The following PRKCE variants were observed in gnomAD, a reference collection of about 807,000 sequenced individuals.
PRKCE encodes the protein protein kinase C epsilon, also known as protein kinase C epsilon type.
In PRKCE, 16 loss-of-function variants were observed where a neutral mutation model predicts 85.4. That is an observed-to-expected ratio of 0.19 (90% CI 0.13 to 0.28). PRKCE has a LOEUF of 0.28. PRKCE is among the 10% of genes least tolerant of loss of function. PRKCE has a pLI of 1.00. For missense variants in PRKCE, 573 were observed against 975.2 expected (o/e 0.59, Z 5.49); for synonymous variants, 388 against 371.5 (o/e 1.04, Z -0.51).
intron 2 of PRKCE, among the ~76,000 whole-genome samples, chr2:45,943,136 A>G (rs963399333): frequency 6.6e-6 from 1 of 152,234 alleles, no homozygotes; most frequent in South Asian, 2.1e-4. Context: ...GTGAAGATTC[A>G]GGAGGCTTTA....
At chr2:46,062,773 A>T (rs1667271825) in intron 10 of PRKCE, among the ~76,000 whole-genome samples, 1 of 138,642 alleles carries the variant, frequency 7.2e-6, no homozygotes, top group Non-Finnish European at 1.5e-5. Context: ...TCCGGGGTTC[A>T]AGCGATTCTC....
intron 2 of PRKCE, among the ~76,000 whole-genome samples, chr2:45,916,554 C>G (rs1194700041): frequency 6.6e-6 from 1 of 152,134 alleles, no homozygotes; most frequent in East Asian, 1.9e-4. Context: ...TGAAATAAGC[C>G]ATTTCTTATT....
intron 2 of PRKCE, among the ~76,000 whole-genome samples, chr2:45,955,497 A>G (rs1011624764): frequency 8.5e-5 from 13 of 152,204 alleles, no homozygotes; most frequent in African/African-American, 3.1e-4. Context: ...TCTTCTGCTC[A>G]GCTGAATTCC....
intron 1 of PRKCE, among the ~76,000 whole-genome samples, chr2:45,812,295 G>A (rs115693910): frequency 0.015 from 2,303 of 152,342 alleles, 54 homozygotes; most frequent in East Asian, 0.11. Flanking sequence ...CATGGAGTGA[G>A]AAGCCACAGA....
intron 1 of PRKCE, among the ~76,000 whole-genome samples, chr2:45,674,338 G>A (rs1676319523): frequency 6.6e-6 from 1 of 152,182 alleles, no homozygotes; most frequent in Admixed American, 6.5e-5. Context: ...TGTGGAGGAG[G>A]CCTTCCTTTA....
At chr2:46,104,536 A>T (rs554682716) in intron 11 of PRKCE, among the ~76,000 whole-genome samples, 2 of 152,156 alleles carry the variant, frequency 1.3e-5, no homozygotes, top group East Asian at 1.9e-4. Context: ...TAGCATTGGC[A>T]GTCCTTTCCA....
chr2:45,888,144 C>A (rs1347054460), intron 2 of PRKCE, among the ~76,000 whole-genome samples: 1 of 152,168 alleles, frequency 6.6e-6, no homozygotes, highest in East Asian at 1.9e-4. Context: ...TGTGGATGAT[C>A]CCAGATATAA....
chr2:45,707,389 T>A (rs972514250), intron 1 of PRKCE, among the ~76,000 whole-genome samples: 1 of 152,242 alleles, frequency 6.6e-6, no homozygotes, highest in Non-Finnish European at 1.5e-5. Flanking sequence ...ACACCTTATA[T>A]TCCCATAGAA....
intron 1 of PRKCE, chr2:45,840,625 G>A (rs936299496): frequency 1.3e-5 from 2 of 152,190 alleles, no homozygotes; most frequent in African/African-American, 4.8e-5. Context: ...CTGTGCCGAC[G>A]GAGCACCTCA....
intron 10 of PRKCE, among the ~76,000 whole-genome samples, chr2:46,023,089 CAA>C (rs397984467): frequency 0.029 from 2,050 of 71,480 alleles, 68 homozygotes; most frequent in African/African-American, 0.12. Context: ...GACTCCGTCT[CAA>C]AAAAAAAAAA....
chr2:46,080,295 A>G (rs1480118570), intron 10 of PRKCE, among the ~76,000 whole-genome samples: 1 of 151,958 alleles, frequency 6.6e-6, no homozygotes, highest in Non-Finnish European at 1.5e-5. Flanking sequence ...GTGAGGGGAA[A>G]TGAAAATTTT....
chr2:45,717,200 G>A (rs1032620958), intron 1 of PRKCE, among the ~76,000 whole-genome samples: 4 of 152,222 alleles, frequency 2.6e-5, no homozygotes, highest in Non-Finnish European at 2.9e-5. Flanking sequence ...TAGAATTACA[G>A]TGAAGGAGGA....
intron 2 of PRKCE, among the ~76,000 whole-genome samples, chr2:45,859,040 CTAAATAAATAAATAAATAAATAAA>C (rs3045334): frequency 8.9e-5 from 12 of 135,442 alleles, no homozygotes; most frequent in African/African-American, 8.3e-5. Context: ...GACTCCATCT[CTAAATAAATAAATAAATAAATAAA>C]TAAATAAATA....
At chr2:46,039,955 C>T (rs1306011222) in intron 10 of PRKCE, among the ~76,000 whole-genome samples, 1 of 152,172 alleles carries the variant, frequency 6.6e-6, no homozygotes, top group African/African-American at 2.4e-5. Context: ...TGCTTGTGGG[C>T]TGCCATGCTT....
At chr2:45,867,477 G>A (rs560548695) in intron 2 of PRKCE, among the ~76,000 whole-genome samples, 1 of 152,324 alleles carries the variant, frequency 6.6e-6, no homozygotes, top group East Asian at 1.9e-4. Context: ...GCAGCCAACA[G>A]GGGTAGAGGA....
intron 2 of PRKCE, among the ~76,000 whole-genome samples, chr2:45,851,274 G>A (rs1297769764): frequency 1.3e-5 from 2 of 152,228 alleles, no homozygotes; most frequent in African/African-American, 4.8e-5. Flanking sequence ...ACCACAATTT[G>A]AACTTTTCAG....
At position 45,873,457 on chromosome 2, in the gene PRKCE, A is replaced by C. The variant is rs1338241453; in HGVS notation, c.412+30394A>C. 9.5e-4 allele frequency among the ~76,000 whole-genome samples: 3 copies of C among 3,148 alleles called. No homozygotes were observed. In the African/African-American group the frequency reaches 0.012, roughly 13 times the overall value. 2.1% of individuals were successfully genotyped at this position (3,148 alleles called of 152,430 possible). A position where few individuals can be genotyped will look rare whatever the true frequency, so the allele number is the denominator to read the frequency against. Reference sequence around the variant, plus strand: ...AAGACCACATAGATAGTAGACTGCAAAAAAAAAAAAAAAAAAAAACAAAAA... The same window carrying C: ...AAGACCACATAGATAGTAGACTGCACAAAAAAAAAAAAAAAAAAACAAAAA... On this transcript the variant is annotated intron_variant, in intron 2 of 14. Transcript: ENST00000306156.
At chr2:45,692,804 C>G (rs950682045) in intron 1 of PRKCE, among the ~76,000 whole-genome samples, 1 of 152,054 alleles carries the variant, frequency 6.6e-6, no homozygotes, top group African/African-American at 2.4e-5. Context: ...GATGTAGAAT[C>G]GGTCCATTCT....
chr2:45,800,545 G>A (rs998817357), intron 1 of PRKCE, among the ~76,000 whole-genome samples: 18 of 152,330 alleles, frequency 1.2e-4, no homozygotes, highest in African/African-American at 4.3e-4. Context: ...TCTAGACTGG[G>A]GTTTGAGGGC....
Sources: gnomAD v4.1 joint callset for allele counts (sites outside exome capture counted in the v4.1 genomes callset) on GRCh38, gnomAD v4.1.1 for gene constraint, MANE v1.5 for transcripts, NCBI Gene and HGNC (gene_info 2026-07-23, HGNC 2026-07-21) for gene names.